The following SEPTIN9 variants were observed in gnomAD, a reference collection of about 807,000 sequenced individuals.
SEPTIN9 encodes septin-9.
In SEPTIN9, 13 loss-of-function variants were observed where a neutral mutation model predicts 56.6. The observed-to-expected ratio is 0.23, with a 90% CI of 0.15 to 0.37. The LOEUF (loss-of-function observed/expected upper bound fraction) is 0.37, where lower values mean the gene tolerates loss of function less well. SEPTIN9 is among the 10% of genes least tolerant of loss of function. The pLI, the probability that SEPTIN9 is intolerant of heterozygous loss-of-function variation, is 1.00. For missense variants in SEPTIN9, 650 were observed against 823.1 expected, an observed-to-expected ratio of 0.79 and a Z score of 2.57; for synonymous variants, 332 against 334.1, an observed-to-expected ratio of 0.99 and a Z score of 0.07.
At chr17:77,489,048 C>T (rs1184832720) in intron 7 of SEPTIN9, among the ~76,000 whole-genome samples, 184 bp downstream of exon 7, 1 of 102,932 alleles carries the variant, frequency 9.7e-6, no homozygotes, top group Non-Finnish European at 1.9e-5. Context: ...CACACTGACC[C>T]CTATGCAAGT....
At chr17:77,474,331 G>A (rs2039123979) in intron 3 of SEPTIN9, among the ~76,000 whole-genome samples, 1 of 152,242 alleles carries the variant, frequency 6.6e-6, no homozygotes, top group Non-Finnish European at 1.5e-5. Flanking sequence ...GCCTGAGAGG[G>A]CCCCTGGAAT....
intron 1 of SEPTIN9, among the ~76,000 whole-genome samples, chr17:77,287,099 G>A (rs762175940): frequency 5.3e-5 from 8 of 152,228 alleles, no homozygotes; most frequent in Non-Finnish European, 7.3e-5. Context: ...CTCAGTCTCC[G>A]GGAGAGTCCT....
intron 1 of SEPTIN9, chr17:77,288,032 T>C (rs1348104167): frequency 1.9e-6 from 2 of 1,061,588 alleles, no homozygotes; most frequent in Non-Finnish European, 2.3e-6. Flanking sequence ...CACTCTGCCC[T>C]GAGTGTGTGG....
intron 4 of SEPTIN9, chr17:77,483,999 T>C (rs74624544): frequency 0.06 from 9,149 of 152,348 alleles, 340 homozygotes; most frequent in African/African-American, 0.1. Flanking sequence ...ATCCCAGCTT[T>C]GTCCTAACTC....
At chr17:77,413,301 A>G (rs1472234187) in intron 3 of SEPTIN9, among the ~76,000 whole-genome samples, 3 of 152,196 alleles carry the variant, frequency 2.0e-5, no homozygotes, top group African/African-American at 4.8e-5. Context: ...GGGGGAGTCT[A>G]GCACTTTAAA....
rs774513218 is a variant in SEPTIN9, at chr17:77,498,672, C to A, written c.*14C>A. The A allele has an allele frequency of 1.3e-6, 2 of 1,550,422 alleles. No homozygotes were observed. The highest frequency in any genetic ancestry group is 1.1e-5 in the South Asian group (1 of 87,008). On this transcript the variant is annotated 3_prime_UTR_variant, in exon 12 of 12. Coordinates refer to ENST00000427177, the MANE Select transcript of SEPTIN9 (RefSeq NM_001113491.2). The stretch of plus-strand genomic sequence containing the variant: ...CCGGAGATGTAGACGCCACCCTGCC[C>A]ACCCCCGGGATCCTGCCCCCAAGTC...
intron 3 of SEPTIN9, among the ~76,000 whole-genome samples, chr17:77,474,204 C>T (rs899335031): frequency 4.6e-5 from 7 of 152,140 alleles, no homozygotes; most frequent in Admixed American, 4.6e-4. Flanking sequence ...GGTAGATCTA[C>T]CTGGGAGCTT....
chr17:77,340,997 T>A (rs560577216), intron 2 of SEPTIN9, among the ~76,000 whole-genome samples: 1 of 152,388 alleles, frequency 6.6e-6, no homozygotes, highest in Admixed American at 6.5e-5. Context: ...TTTAAGGGAA[T>A]GTTGTGGCTG....
intron 3 of SEPTIN9, among the ~76,000 whole-genome samples, chr17:77,477,450 C>T (rs1033698564): frequency 3.9e-5 from 6 of 152,226 alleles, no homozygotes; most frequent in African/African-American, 1.4e-4. Flanking sequence ...CAGAGTTCAT[C>T]TGTGTTGGCG....
chr17:77,405,453 G>A lies in SEPTIN9; in HGVS notation c.721+2750G>A, dbSNP rs984180504. ...TGGGGGGACGGTGGCTTTCTCCATGGAATAGGATGTACACGTTGGAGCCGG... is the reference window on the plus strand; with the variant it reads ...TGGGGGGACGGTGGCTTTCTCCATGAAATAGGATGTACACGTTGGAGCCGG... On this transcript the variant is annotated intron_variant, in intron 3 of 11. Coordinates refer to ENST00000427177, the MANE Select transcript of SEPTIN9 (RefSeq NM_001113491.2). This position sits in a 1 kb window ranked among gnomAD's most constrained non-coding sequence, Gnocchi z 5.8. Among the ~76,000 whole-genome samples the A allele has an allele frequency of 6.6e-6, 1 of 152,196 alleles. No individual in the cohort carries two copies. Among genetic ancestry groups the A allele is most frequent in the African/African-American group, 2.4e-5 (1 of 41,442 alleles).
rs116838735 is a variant in SEPTIN9 at position 77,440,008 on chromosome 17, G to A, written c.721+37305G>A. ...GAGGCACCCCAGGTCCCCTGATGCT[G>A]CCAGCACCCAGGGGACTGTTAGTAC... On this transcript the variant is annotated intron_variant, in intron 3 of 11. Transcript: ENST00000427177. Among the ~76,000 whole-genome samples, 972 of 152,282 alleles carry A rather than the reference G, an allele frequency of 6.4e-3. 16 individuals carry two copies. The highest frequency in any genetic ancestry group is 0.022 in the African/African-American group (935 of 41,558).
At position 77,467,760 on chromosome 17, in the gene SEPTIN9, C is replaced by T. The variant is rs918339668; in HGVS notation, c.722-14384C>T. 8.5e-5 allele frequency among the ~76,000 whole-genome samples: 13 copies of T among 152,322 alleles called. 1 individual carries two copies. The highest frequency in any genetic ancestry group is 1.9e-4 in the East Asian group (1 of 5,188). ...GCCAGCGCGGCCGGCACAGAGGGAG[C>T]GGTGTTACCGGGGTAGACGGGAACC... On this transcript the variant is annotated intron_variant, in intron 3 of 11. Coordinates refer to ENST00000427177, the MANE Select transcript of SEPTIN9 (RefSeq NM_001113491.2).
At chr17:77,472,150 G>A (rs965671729) in intron 3 of SEPTIN9, among the ~76,000 whole-genome samples, 1 of 152,174 alleles carries the variant, frequency 6.6e-6, no homozygotes, top group Admixed American at 6.5e-5. Flanking sequence ...TCAGGCTAGG[G>A]AGGTGGTGGG....
chr17:77,471,433 A>G (rs887650263), intron 3 of SEPTIN9, among the ~76,000 whole-genome samples: 5 of 152,224 alleles, frequency 3.3e-5, no homozygotes, highest in African/African-American at 4.8e-5. Context: ...GCAGGGGGCC[A>G]CCCTGTTGCA....
intron 2 of SEPTIN9, among the ~76,000 whole-genome samples, chr17:77,360,572 T>G (rs2034381714): frequency 7.4e-6 from 1 of 134,324 alleles, no homozygotes; most frequent in South Asian, 2.5e-4. Context: ...TTTTTGTTTC[T>G]TTTTTTTTTT....
intron 3 of SEPTIN9, among the ~76,000 whole-genome samples, chr17:77,407,066 G>T (rs553645649): frequency 6.6e-6 from 1 of 152,106 alleles, no homozygotes; most frequent in South Asian, 2.1e-4. Context: ...CAGATTGCTT[G>T]AGCCCAGGAG....
At chr17:77,292,809 A>T (rs993104970) in intron 1 of SEPTIN9, among the ~76,000 whole-genome samples, 1 of 151,818 alleles carries the variant, frequency 6.6e-6, no homozygotes, top group South Asian at 2.1e-4. Flanking sequence ...GATTACCTTC[A>T]TAAGCCACCA....
Position 77,371,735 on chromosome 17 carries a change from C to T in SEPTIN9, c.77-30324C>T, listed in dbSNP as rs114117893. Among the ~76,000 whole-genome samples the T allele has an allele frequency of 6.7e-3, 1,018 of 152,308 alleles. 18 individuals carry two copies. The highest frequency in any genetic ancestry group is 0.023 in the African/African-American group (967 of 41,554). ...CAGCAATGGCTGCATTTCTGAAACC[C>T]GGGCTCCCAGGCCGACGAGGGTGTG... On this transcript the variant is annotated intron_variant, in intron 2 of 11. Coordinates refer to ENST00000427177, the MANE Select transcript of SEPTIN9 (RefSeq NM_001113491.2). This position sits in a 1 kb window ranked among gnomAD's most constrained non-coding sequence, Gnocchi z 4.1.
At chr17:77,444,893 A>G (rs1598385338) in intron 3 of SEPTIN9, 2 of 345,118 alleles carry the variant, frequency 5.8e-6, no homozygotes, top group South Asian at 4.7e-5. Flanking sequence ...GACAGGGAGA[A>G]AGTTCACAGT....
Sources: gnomAD v4.1 joint callset for allele counts (sites outside exome capture counted in the v4.1 genomes callset) on GRCh38, gnomAD v4.1.1 for gene constraint, Gnocchi (gnomAD v3.1) non-coding constraint, MANE v1.5 for transcripts, NCBI Gene and HGNC (gene_info 2026-07-23, HGNC 2026-07-21) for gene names.